IPO11: variants seen among roughly 807,000 people sequenced by gnomAD.
IPO11 encodes importin 11, also known as importin-11.
A neutral mutation model predicts 143.2 loss-of-function variants in IPO11; 66 were observed. The observed-to-expected ratio is 0.46, with a 90% CI of 0.38 to 0.57. The LOEUF is 0.57. Among genes scored for constraint, IPO11 ranks in the 20% least tolerant of loss-of-function variants. The probability of loss-of-function intolerance (pLI) is 0.00; values close to 1 mark genes in which losing one functional copy is unlikely to be tolerated. For missense variants in IPO11, 1,026 were observed against 1,141.0 expected, an observed-to-expected ratio of 0.90 and a Z score of 1.45; for synonymous variants, 385 against 377.8, an observed-to-expected ratio of 1.02 and a Z score of -0.22.
At chr5:62,582,065 C>T (rs1451892918) in intron 27 of IPO11, among the ~76,000 whole-genome samples, 1 of 152,122 alleles carries the variant, frequency 6.6e-6, no homozygotes, top group African/African-American at 2.4e-5. Flanking sequence ...AAAGAGAGAT[C>T]AGGTGATGAA....
chr5:62,614,497 A>G (rs2112470400), intron 29 of IPO11, among the ~76,000 whole-genome samples: 1 of 152,348 alleles, frequency 6.6e-6, no homozygotes, highest in South Asian at 2.1e-4. Flanking sequence ...TGCAGTACGT[A>G]GAACTGAAAT....
At chr5:62,469,564 A>C (rs572896640) in intron 6 of IPO11, among the ~76,000 whole-genome samples, 29 of 152,328 alleles carry the variant, frequency 1.9e-4, no homozygotes, top group Non-Finnish European at 3.8e-4. Context: ...AATAATTGCT[A>C]TATTTTACAT....
chr5:62,611,117 A>AT (rs1384057896), intron 29 of IPO11, among the ~76,000 whole-genome samples: 1 of 152,202 alleles, frequency 6.6e-6, no homozygotes, highest in Admixed American at 6.5e-5. Context: ...ACCTATAAAT[A>AT]TTTCAAAATT....
intron 15 of IPO11, among the ~76,000 whole-genome samples, chr5:62,490,610 G>T (rs376882483): frequency 6.6e-6 from 1 of 152,128 alleles, no homozygotes; most frequent in African/African-American, 2.4e-5. Context: ...AGACGGTAGA[G>T]TAGGATATAG....
intron 1 of IPO11, among the ~76,000 whole-genome samples, chr5:62,429,587 CGTGTGTGTGTGTGTGTGTGT>C (rs56185914): frequency 7.8e-6 from 1 of 128,502 alleles, no homozygotes; most frequent in African/African-American, 2.9e-5. Flanking sequence ...GTCTGATTTT[CGTGTGTGTGTGTGTGTGTGT>C]GTGTGTGTGT....
rs548100254 is a variant in IPO11 at position 62,456,949 on chromosome 5, G to A, written c.516+5016G>A. 3.5e-3 allele frequency among the ~76,000 whole-genome samples: 531 copies of A among 152,012 alleles called. 2 individuals are homozygous for A. The highest frequency in any genetic ancestry group is 0.012 in the African/African-American group (507 of 41,462). Reference sequence around the variant, plus strand: ...TGTACTAAAAATACAAAAATTAGCCGGGTGCCTGTAATCCCACCTACTCGG... The same window carrying A: ...TGTACTAAAAATACAAAAATTAGCCAGGTGCCTGTAATCCCACCTACTCGG... On this transcript the variant is annotated intron_variant, in intron 5 of 29. Coordinates refer to ENST00000325324, the MANE Select transcript of IPO11 (RefSeq NM_016338.5).
chr5:62,617,151 G>C (rs1746171889), intron 29 of IPO11, among the ~76,000 whole-genome samples: 1 of 152,156 alleles, frequency 6.6e-6, no homozygotes, highest in Non-Finnish European at 1.5e-5. Flanking sequence ...AGATACAAGG[G>C]AGCAGCTGTG....
intron 25 of IPO11, among the ~76,000 whole-genome samples, 176 bp downstream of exon 25, chr5:62,550,638 G>A (rs1179341012): frequency 6.6e-6 from 1 of 152,170 alleles, no homozygotes; most frequent in Non-Finnish European, 1.5e-5. Flanking sequence ...GGGAAGCATA[G>A]ATTTTCTTTG....
At chr5:62,570,222 AT>A (rs1430990066) in intron 27 of IPO11, among the ~76,000 whole-genome samples, 1 of 152,086 alleles carries the variant, frequency 6.6e-6, no homozygotes, top group Non-Finnish European at 1.5e-5. Flanking sequence ...TGGCTTACTG[AT>A]TTTTCATTGA....
chr5:62,526,399 C>T (rs537835707), intron 21 of IPO11, 142 bp downstream of exon 21: 225 of 587,258 alleles, frequency 3.8e-4, no homozygotes, highest in African/African-American at 3.7e-3. Flanking sequence ...GCATATATCT[C>T]CTTTTTTTGG....
intron 27 of IPO11, chr5:62,581,165 C>G: frequency 6.4e-7 from 1 of 1,551,116 alleles, no homozygotes; most frequent in Non-Finnish European, 8.7e-7. Flanking sequence ...TATCAGTCAG[C>G]AAGGTATAAT....
intron 5 of IPO11, among the ~76,000 whole-genome samples, chr5:62,461,821 C>G (rs749021960): frequency 1.3e-5 from 2 of 152,122 alleles, no homozygotes; most frequent in Non-Finnish European, 2.9e-5. Context: ...AGAAATGTTT[C>G]AGATTTTTTT....
intron 28 of IPO11, among the ~76,000 whole-genome samples, chr5:62,596,497 A>G (rs1745224756): frequency 6.6e-6 from 1 of 152,168 alleles, no homozygotes; most frequent in Non-Finnish European, 1.5e-5. Flanking sequence ...ACTTTGGTCC[A>G]TTGTGGAGGA....
intron 16 of IPO11, among the ~76,000 whole-genome samples, chr5:62,503,696 A>C (rs760456897): frequency 3.9e-5 from 6 of 152,194 alleles, no homozygotes; most frequent in Non-Finnish European, 7.4e-5. Flanking sequence ...AGTGAATAAA[A>C]GGAAAAAGCA....
chr5:62,605,232 G>C (rs1033103301), intron 29 of IPO11, among the ~76,000 whole-genome samples: 2 of 152,184 alleles, frequency 1.3e-5, no homozygotes, highest in Non-Finnish European at 2.9e-5. Flanking sequence ...TGGTGTCTGT[G>C]TTTCAGCAGC....
intron 2 of IPO11, among the ~76,000 whole-genome samples, chr5:62,439,671 C>T (rs1307336191): frequency 6.6e-6 from 1 of 151,834 alleles, no homozygotes; most frequent in Non-Finnish European, 1.5e-5. Context: ...ATCCTCCCAC[C>T]TTGGCCTCCA....
At chr5:62,419,267 C>T in intron 1 of IPO11, 2 of 864,910 alleles carry the variant, frequency 2.3e-6, no homozygotes, top group African/African-American at 1.7e-5. Flanking sequence ...TTGGATGAAT[C>T]AGTGAGTGAG....
In IPO11 at chr5:62,418,575, A is replaced by G. The variant is rs1580153251; in HGVS notation, c.-7+5646A>G. ...TGCAGAAAAATTAAGGATATCGGGA[A>G]CATAGAGATTCTTGGTTGAGGAGTG... On this transcript the variant is annotated intron_variant, in intron 1 of 29. Coordinates refer to ENST00000325324, the MANE Select transcript of IPO11 (RefSeq NM_016338.5). 2.0e-5 allele frequency among the ~76,000 whole-genome samples: 3 copies of G among 152,330 alleles called. 1 individual carries two copies. The South Asian group carries it at 6.2e-4, about 32-fold the overall frequency.
intron 1 of IPO11, among the ~76,000 whole-genome samples, chr5:62,423,364 A>G (rs1436033374): frequency 1.3e-5 from 2 of 152,152 alleles, no homozygotes; most frequent in Non-Finnish European, 2.9e-5. Flanking sequence ...ATAGATGAGT[A>G]AAACATCATT....
Sources: gnomAD v4.1 joint callset for allele counts (sites outside exome capture counted in the v4.1 genomes callset) on GRCh38, gnomAD v4.1.1 for gene constraint, MANE v1.5 for transcripts, NCBI Gene and HGNC (gene_info 2026-07-23, HGNC 2026-07-21) for gene names.